The following HYAL4 variants were observed in gnomAD, a reference collection of about 807,000 sequenced individuals.
HYAL4 encodes the protein hyaluronidase-4.
In HYAL4, 37 loss-of-function variants were observed where a neutral mutation model predicts 35.2. The ratio of observed to expected loss-of-function variants is 1.05; its 90% CI spans 0.81 to 1.38. The LOEUF (loss-of-function observed/expected upper bound fraction) is 1.38, where lower values mean the gene tolerates loss of function less well. HYAL4 is among the 40% of genes most tolerant of loss of function. The pLI, the probability that HYAL4 is intolerant of heterozygous loss-of-function variation, is 0.00. For missense variants in HYAL4, 572 were observed against 572.4 expected (o/e 1.00, Z 0.01); for synonymous variants, 198 against 203.2 (o/e 0.97, Z 0.22).
chr7:123,843,976 G>A (rs1196340352), upstream of HYAL4, among the ~76,000 whole-genome samples: 1 of 151,878 alleles, frequency 6.6e-6, no homozygotes, highest in East Asian at 1.9e-4. Flanking sequence ...TGTTATTACT[G>A]ACCTTCTGAA....
At chr7:123,804,772 G>A in the HYAL4 span, among the ~76,000 whole-genome samples, 1 of 152,138 alleles carries the variant, frequency 6.6e-6, no homozygotes, top group African/African-American at 2.4e-5. Flanking sequence ...AATTGAATCT[G>A]AATGTTAGAA....
intron 2 of HYAL4, among the ~76,000 whole-genome samples, chr7:123,850,003 G>A (rs1806266738): frequency 1.5e-5 from 2 of 134,516 alleles, no homozygotes; most frequent in Admixed American, 7.1e-5. Flanking sequence ...TACCAATCAG[G>A]TAGAATTAGA....
the HYAL4 span, among the ~76,000 whole-genome samples, chr7:123,775,058 C>G: frequency 1.3e-5 from 2 of 152,180 alleles, no homozygotes; most frequent in African/African-American, 4.8e-5. Flanking sequence ...GTGCTTGTTG[C>G]ATTGTAGGTG....
the HYAL4 span, among the ~76,000 whole-genome samples, chr7:123,801,942 C>T: frequency 0.028 from 4,252 of 152,178 alleles, 129 homozygotes; most frequent in African/African-American, 0.078. Flanking sequence ...TTTTTTTCCC[C>T]CATGGTTTTT....
chr7:123,869,063 G>A lies in HYAL4; in HGVS notation c.790G>A (p.Val264Ile). Residue 264 changes from valine (V) to isoleucine (I), a missense_variant, in exon 3 of 5, where the codon GTC (valine) becomes ATC (isoleucine). Transcript: ENST00000223026. ...SSAALYPSIG[V>I]WKSLGDSENI... Reference sequence around the variant, plus strand: ...TGCTGCTTTATATCCTTCTATCGGTGTCTGGAAATCCCTTGGAGACAGTGA... The same window carrying A: ...TGCTGCTTTATATCCTTCTATCGGTATCTGGAAATCCCTTGGAGACAGTGA... 1.2e-6 allele frequency: 2 copies of A among 1,614,172 alleles called. No individual in the cohort carries two copies. The highest frequency in any genetic ancestry group is 2.7e-5 in the African/African-American group (2 of 75,038).
chr7:123,789,233 C>T, the HYAL4 span, among the ~76,000 whole-genome samples: 4 of 152,208 alleles, frequency 2.6e-5, no homozygotes, highest in South Asian at 4.1e-4. Flanking sequence ...TAATTTAGGA[C>T]GTGAAGTGAT....
chr7:123,841,315 C>G (rs1206640599), upstream of HYAL4, among the ~76,000 whole-genome samples: 1 of 151,938 alleles, frequency 6.6e-6, no homozygotes, highest in Non-Finnish European at 1.5e-5. Context: ...GTTGAACAAG[C>G]CTTGCGTCCC....
At chr7:123,856,457 C>T (rs1201803866) in intron 2 of HYAL4, among the ~76,000 whole-genome samples, 1 of 152,172 alleles carries the variant, frequency 6.6e-6, no homozygotes, top group Non-Finnish European at 1.5e-5. Flanking sequence ...GGTCCCTCTT[C>T]TGCAGGTCTG....
chr7:123,851,593 T>C (rs1377462804), intron 2 of HYAL4, among the ~76,000 whole-genome samples: 1 of 152,196 alleles, frequency 6.6e-6, no homozygotes, highest in Non-Finnish European at 1.5e-5. Context: ...TATGGCTGCA[T>C]AGTATTCCAT....
At chr7:123,776,157 A>G in the HYAL4 span, among the ~76,000 whole-genome samples, 2 of 152,174 alleles carry the variant, frequency 1.3e-5, no homozygotes, top group Non-Finnish European at 2.9e-5. Flanking sequence ...TTTAAAGAGG[A>G]CTGTGCCTAT....
In HYAL4 at chr7:123,857,665, GTTTGTTTC is replaced by G. The variant is rs1158627944; in HGVS notation, c.-52+9511_-52+9518del. On this transcript the variant is annotated intron_variant, in intron 2 of 4. Transcript: ENST00000223026. ...GCTGCCTTTCTTTGTTTCTTTCTTTGTTTGTTTCTTTCTTTCTTTCTTTCTTTCTTTCT... is the reference window on the plus strand; with the variant it reads ...GCTGCCTTTCTTTGTTTCTTTCTTTGTTTCTTTCTTTCTTTCTTTCTTTCT... 2.6e-3 allele frequency among the ~76,000 whole-genome samples: 248 copies of G among 95,584 alleles called. 3 individuals carry two copies. Among genetic ancestry groups the G allele is most frequent in the Middle Eastern group, 5.7e-3 (1 of 174 alleles). The allele number at this position is 95,584 out of a possible 152,430, so 62.7% of individuals were successfully genotyped here.
chr7:123,774,239 A>G, the HYAL4 span, among the ~76,000 whole-genome samples: 8 of 151,994 alleles, frequency 5.3e-5, no homozygotes, highest in Admixed American at 2.0e-4. Flanking sequence ...GGGTTTTGCT[A>G]TGTTGCCCAG....
chr7:123,876,978 T>C lies in HYAL4; in HGVS notation c.1269T>C (p.Asp423=). 1.9e-6 allele frequency: 3 copies of C among 1,614,178 alleles called. No homozygotes were observed. The highest frequency in any genetic ancestry group is 2.5e-6 in the Non-Finnish European group (3 of 1,180,022). ...TTACTGTGAAAGGAAAAGCATCTGA[T>C]ACAGACCTGGCAGTGATGGCAGATA... ...GEFTVKGKAS[D]TDLAVMADTF... Residue 423 remains aspartate (D), a synonymous_variant, in exon 5 of 5, where the codon GAT becomes GAC. Transcript: ENST00000223026.
chr7:123,778,994 A>G, the HYAL4 span, among the ~76,000 whole-genome samples: 1 of 152,180 alleles, frequency 6.6e-6, no homozygotes, highest in Non-Finnish European at 1.5e-5. Context: ...ATGTAAAACA[A>G]TGCCACTCTT....
At chr7:123,831,352 A>T (rs1805880411) in intron 1 of HYAL4, among the ~76,000 whole-genome samples, 1 of 152,196 alleles carries the variant, frequency 6.6e-6, no homozygotes, top group African/African-American at 2.4e-5. Context: ...TTCTTTATAA[A>T]CTACCCAGCC....
chr7:123,851,999 G>A (rs1160965485), intron 2 of HYAL4, among the ~76,000 whole-genome samples: 2 of 152,166 alleles, frequency 1.3e-5, no homozygotes, highest in African/African-American at 4.8e-5. Context: ...CAGTGATGAT[G>A]AGCTTTTTTT....
upstream of HYAL4, among the ~76,000 whole-genome samples, chr7:123,843,422 G>C (rs1806107835): frequency 6.6e-6 from 1 of 151,962 alleles, no homozygotes; most frequent in Non-Finnish European, 1.5e-5. Flanking sequence ...CTCTCTGGCT[G>C]CTCTTAACAC....
the HYAL4 span, among the ~76,000 whole-genome samples, chr7:123,804,186 T>G: frequency 3.3e-5 from 5 of 152,204 alleles, no homozygotes; most frequent in Non-Finnish European, 4.4e-5. Flanking sequence ...ATGGCATATA[T>G]AGTGTGACAC....
chr7:123,773,048 A>C, the HYAL4 span, among the ~76,000 whole-genome samples: 1 of 152,064 alleles, frequency 6.6e-6, no homozygotes, highest in Non-Finnish European at 1.5e-5. Context: ...ATGTCATTGG[A>C]ACTTGTATTC....
Sources: gnomAD v4.1 joint callset for allele counts (sites outside exome capture counted in the v4.1 genomes callset) on GRCh38, gnomAD v4.1.1 for gene constraint, MANE v1.5 for transcripts, NCBI Gene and HGNC (gene_info 2026-07-23, HGNC 2026-07-21) for gene names.